Variants in CDKL5 observed in about 807,000 individuals in gnomAD.
CDKL5 encodes cyclin-dependent kinase-like 5.
CDKL5 carries 8 observed loss-of-function variants against 61.7 expected under a neutral mutation model. The ratio of observed to expected loss-of-function variants is 0.13; its 90% CI spans 0.08 to 0.23. The LOEUF (loss-of-function observed/expected upper bound fraction) is 0.23, where lower values mean the gene tolerates loss of function less well. CDKL5 is among the 10% of genes least tolerant of loss of function. The pLI is 1.00. For missense variants in CDKL5, 440 were observed against 734.5 expected (o/e 0.60, Z 4.63); for synonymous variants, 275 against 272.3 (o/e 1.01, Z -0.10).
chrX:18,611,586 A>G (rs1216079443), intron 14 of CDKL5, among the ~76,000 whole-genome samples: 6 of 111,490 alleles, frequency 5.4e-5, no homozygotes, highest in Non-Finnish European at 1.1e-4. Flanking sequence ...TGTTATTTCT[A>G]TAGATGTCTG....
At chrX:18,445,326 C>A (rs762855618) in intron 1 of CDKL5, among the ~76,000 whole-genome samples, 48 of 111,503 alleles carry the variant, frequency 4.3e-4, no homozygotes, top group African/African-American at 1.6e-3. Context: ...GATCTGCCCG[C>A]CTCAGCCTCC....
At chrX:18,427,286 G>C (rs1176807807) in intron 1 of CDKL5, among the ~76,000 whole-genome samples, 2 of 93,433 alleles carry the variant, frequency 2.1e-5, no homozygotes, top group Non-Finnish European at 4.1e-5. Flanking sequence ...ATGCAGAGAA[G>C]AGAACATTTG....
intron 3 of CDKL5, among the ~76,000 whole-genome samples, chrX:18,515,970 C>A (rs1017844355): frequency 4.6e-5 from 5 of 109,486 alleles, no homozygotes; most frequent in African/African-American, 1.7e-4. Flanking sequence ...TTCCTTCCTT[C>A]CTCCCTTCCT....
intron 2 of CDKL5, among the ~76,000 whole-genome samples, chrX:18,510,316 A>G (rs1922781896): frequency 9.0e-6 from 1 of 111,414 alleles, no homozygotes; most frequent in Non-Finnish European, 1.9e-5. Context: ...AACTATACCC[A>G]ACTAATTTTT....
At chrX:18,550,058 CCCACGCTGTAGCTGACAG>C (rs924855035) in intron 3 of CDKL5, among the ~76,000 whole-genome samples, 14 of 111,585 alleles carry the variant, frequency 1.3e-4, no homozygotes, top group Admixed American at 3.8e-4. Context: ...CAAGCTGATA[CCCACGCTGTAGCTGACAG>C]CCACGCTGTA....
At chrX:18,538,338 T>G (rs1202111056) in intron 3 of CDKL5, among the ~76,000 whole-genome samples, 1 of 112,148 alleles carries the variant, frequency 8.9e-6, no homozygotes, top group African/African-American at 3.2e-5. Flanking sequence ...TTTAAATCTT[T>G]TGTTCTATAT....
chrX:18,645,134 T>C (rs926089644), downstream of CDKL5, among the ~76,000 whole-genome samples: 1 of 112,610 alleles, frequency 8.9e-6, no homozygotes, highest in African/African-American at 3.2e-5. Context: ...AGATAACCGT[T>C]GAAGCAACTA....
At chrX:18,525,164 A>G (rs1255969438) in intron 3 of CDKL5, among the ~76,000 whole-genome samples, 3 of 111,608 alleles carry the variant, frequency 2.7e-5, no homozygotes, top group East Asian at 5.6e-4. Context: ...CAGTGGCGCA[A>G]TCTTGGCTCA....
chrX:18,487,203 C>T (rs1019636159), intron 1 of CDKL5, among the ~76,000 whole-genome samples: 1 of 112,441 alleles, frequency 8.9e-6, no homozygotes, highest in Non-Finnish European at 1.9e-5. Context: ...GATTTCTTCA[C>T]TTTGCCATTG....
chrX:18,624,594 C>T (rs902170760), intron 16 of CDKL5, among the ~76,000 whole-genome samples: 1 of 112,049 alleles, frequency 8.9e-6, no homozygotes, highest in Admixed American at 9.5e-5. Flanking sequence ...TTCTCTAGTA[C>T]ATAATGATAG....
chrX:18,486,575 T>C (rs1443515414), intron 1 of CDKL5, among the ~76,000 whole-genome samples: 3 of 112,315 alleles, frequency 2.7e-5, no homozygotes, highest in Admixed American at 9.5e-5. Context: ...CAATTAAATC[T>C]TTTCATTTTA....
chrX:18,623,121 T>A (rs1262587832), intron 16 of CDKL5, among the ~76,000 whole-genome samples: 1 of 112,301 alleles, frequency 8.9e-6, no homozygotes, highest in African/African-American at 3.2e-5. Context: ...CTGGCTTTGG[T>A]TACATATCCA....
intron 4 of CDKL5, among the ~76,000 whole-genome samples, chrX:18,565,422 G>A (rs1364589351): frequency 3.6e-5 from 4 of 112,000 alleles, no homozygotes; most frequent in Non-Finnish European, 7.5e-5. Context: ...AATGCCTATT[G>A]TGACATCAAA....
At chrX:18,651,220 AGTGTGTGTGTGT>A (rs3838188) in intron 21 of CDKL5, among the ~76,000 whole-genome samples, 6 of 65,190 alleles carry the variant, frequency 9.2e-5, no homozygotes, top group East Asian at 4.8e-4. Context: ...GGCAGGAGCA[AGTGTGTGTGTGT>A]GTGTGTGTGT....
chrX:18,596,080 C>G, intron 10 of CDKL5, among the ~76,000 whole-genome samples: 1 of 111,719 alleles, frequency 9.0e-6, no homozygotes, highest in Non-Finnish European at 1.9e-5. Context: ...TTCACTGCAG[C>G]CAGAAGTGCA....
downstream of CDKL5, chrX:18,644,478 A>T (rs1197092554): frequency 8.3e-7 from 1 of 1,211,560 alleles, no homozygotes; most frequent in Non-Finnish European, 1.1e-6. Context: ...TCAGGCGCTC[A>T]TCGGTCCTGT....
At chrX:18,560,519 T>C (rs895080849) in intron 3 of CDKL5, among the ~76,000 whole-genome samples, 1 of 111,865 alleles carries the variant, frequency 8.9e-6, no homozygotes, top group African/African-American at 3.3e-5. Context: ...TCGAACTGAT[T>C]AATGTTCGTT....
At chrX:18,544,483 ATAT>A (rs748566612) in intron 3 of CDKL5, among the ~76,000 whole-genome samples, 58 of 111,610 alleles carry the variant, frequency 5.2e-4, no homozygotes, top group African/African-American at 1.7e-3. Context: ...GGAATAAGTG[ATAT>A]TATTATATCT....
At chrX:18,432,036 G>A (rs1235595134) in intron 1 of CDKL5, among the ~76,000 whole-genome samples, 3 of 108,721 alleles carry the variant, frequency 2.8e-5, no homozygotes, top group Non-Finnish European at 5.7e-5. Flanking sequence ...AGCCTCTTGA[G>A]TAGCTGGAAC....
Sources: allele counts gnomAD v4.1 joint callset (sites outside exome capture counted in the v4.1 genomes callset), GRCh38; gene constraint gnomAD v4.1.1; transcripts MANE v1.5; gene names NCBI Gene and HGNC (gene_info 2026-07-23, HGNC 2026-07-21).